The following RBFOX1 variants were observed in gnomAD, a reference collection of about 807,000 sequenced individuals.
RBFOX1 encodes RNA binding fox-1 homolog 1.
Under a neutral mutation model 57.7 loss-of-function variants are expected in RBFOX1, and 8 were observed. The ratio of observed to expected loss-of-function variants is 0.14; its 90% CI spans 0.08 to 0.25. RBFOX1 has a LOEUF of 0.25. Among genes scored for constraint, RBFOX1 ranks in the 10% least tolerant of loss-of-function variants. The pLI, the probability that RBFOX1 is intolerant of heterozygous loss-of-function variation, is 1.00. For synonymous variants in RBFOX1, 326 were observed against 222.4 expected (o/e 1.47, Z -4.15); for missense variants, 611 against 548.5 (o/e 1.11, Z -1.14).
At chr16:6,792,183 AG>A (rs2083100107) in intron 3 of RBFOX1, among the ~76,000 whole-genome samples, 1 of 152,214 alleles carries the variant, frequency 6.6e-6, no homozygotes, top group Non-Finnish European at 1.5e-5. Flanking sequence ...CTTAGCAGGT[AG>A]TTAAGGTGAG....
rs556569517 is a variant in RBFOX1, at chr16:6,097,473, A to T, written c.-127+77481A>T. On this transcript the variant is annotated intron_variant, in intron 1 of 15. Transcript: ENST00000550418. The surrounding 1 kb of genome is among the most constrained non-coding windows in gnomAD (Gnocchi z 5.0). ...ATTCTTGGTGCCCATCCAAACCTAC[A>T]GAAGCAGAATCTCTGGTGGCAGGAA... Among the ~76,000 whole-genome samples, 1 of 152,320 alleles carries T rather than the reference A, an allele frequency of 6.6e-6. No homozygotes were observed. The highest frequency in any genetic ancestry group is 1.9e-4 in the East Asian group (1 of 5,182).
chr16:7,108,764 T>G (rs951636306), intron 4 of RBFOX1, among the ~76,000 whole-genome samples: 4 of 152,202 alleles, frequency 2.6e-5, no homozygotes, highest in African/African-American at 9.6e-5. Flanking sequence ...CACTCACCCC[T>G]GTGCTCAAAG....
At chr16:5,817,611 G>C (rs2055689024) in intron 3 of RBFOX1, among the ~76,000 whole-genome samples, 1 of 151,780 alleles carries the variant, frequency 6.6e-6, no homozygotes. Flanking sequence ...AGGGGAGAGA[G>C]AAAGGAGAGG....
At chr16:5,466,458 G>A (rs754934337) in intron 1 of RBFOX1, among the ~76,000 whole-genome samples, 8 of 152,102 alleles carry the variant, frequency 5.3e-5, no homozygotes, top group Non-Finnish European at 1.0e-4. Flanking sequence ...GGCAGAGGGG[G>A]TATTTCAACT....
chr16:7,042,395 T>A (rs143476934), intron 3 of RBFOX1, among the ~76,000 whole-genome samples: 110 of 152,246 alleles, frequency 7.2e-4, no homozygotes, highest in African/African-American at 2.4e-3. Context: ...AGATGGTAAT[T>A]CCCTCTTGAA....
chr16:7,369,419 A>T (rs1238811444), intron 4 of RBFOX1, among the ~76,000 whole-genome samples: 3 of 152,012 alleles, frequency 2.0e-5, no homozygotes, highest in African/African-American at 7.2e-5. Flanking sequence ...CTCTCCTCTC[A>T]CTATTAATTC....
At chr16:6,104,567 A>G (rs1484028065) in intron 1 of RBFOX1, among the ~76,000 whole-genome samples, 11 of 152,154 alleles carry the variant, frequency 7.2e-5, no homozygotes, top group African/African-American at 2.4e-4. Context: ...CTTGCAGTCA[A>G]TCTCTGTTCC....
chr16:7,261,087 G>C (rs1293303180), intron 4 of RBFOX1, among the ~76,000 whole-genome samples: 2 of 152,164 alleles, frequency 1.3e-5, no homozygotes, highest in Admixed American at 1.3e-4. Flanking sequence ...AAAGGAATTT[G>C]GAGGGACAAT....
intron 4 of RBFOX1, among the ~76,000 whole-genome samples, chr16:7,384,068 AG>A (rs939919880): frequency 2.0e-5 from 3 of 151,750 alleles, no homozygotes; most frequent in African/African-American, 7.3e-5. Context: ...AAAAAAAAAA[AG>A]TATCCCAAGT....
chr16:6,732,567 C>T (rs116203617), intron 3 of RBFOX1, among the ~76,000 whole-genome samples: 2 of 152,216 alleles, frequency 1.3e-5, no homozygotes, highest in Non-Finnish European at 2.9e-5. Flanking sequence ...AATAGGCAGA[C>T]TTTCCACCAC....
chr16:5,768,174 A>G (rs1279708829), intron 3 of RBFOX1, among the ~76,000 whole-genome samples: 3 of 152,340 alleles, frequency 2.0e-5, no homozygotes, highest in Admixed American at 6.5e-5. Flanking sequence ...CGCGTGAGAT[A>G]TATAGGATTT....
chr16:6,537,396 T>C (rs1353922243), intron 2 of RBFOX1, among the ~76,000 whole-genome samples: 1 of 152,228 alleles, frequency 6.6e-6, no homozygotes, highest in African/African-American at 2.4e-5. Flanking sequence ...GGTATTCATA[T>C]AGAATAGCTA....
chr16:5,836,579 G>T (rs1241844595), intron 3 of RBFOX1, among the ~76,000 whole-genome samples: 1 of 152,096 alleles, frequency 6.6e-6, no homozygotes, highest in Non-Finnish European at 1.5e-5. Context: ...TGCCTTCCAG[G>T]CACATCTCAA....
At chr16:6,821,647 C>G (rs1318664650) in intron 3 of RBFOX1, among the ~76,000 whole-genome samples, 2 of 152,138 alleles carry the variant, frequency 1.3e-5, no homozygotes, top group African/African-American at 4.8e-5. Context: ...AACACGTGGC[C>G]TTTTTCATCT....
At chr16:7,226,280 C>G (rs755044795) in intron 4 of RBFOX1, among the ~76,000 whole-genome samples, 1 of 152,198 alleles carries the variant, frequency 6.6e-6, no homozygotes, top group African/African-American at 2.4e-5. Context: ...TCAGGCCTCT[C>G]ATGAACTACA....
intron 3 of RBFOX1, chr16:7,004,210 C>T (rs779760144): frequency 6.6e-6 from 1 of 152,044 alleles, no homozygotes; most frequent in African/African-American, 2.4e-5. Context: ...TAAGAAGCAT[C>T]TTATGCATTA....
intron 4 of RBFOX1, among the ~76,000 whole-genome samples, chr16:7,291,440 G>T (rs912835141): frequency 7.9e-5 from 12 of 152,154 alleles, no homozygotes; most frequent in African/African-American, 2.7e-4. Context: ...AGCCACAATG[G>T]AAAATTAAGA....
chr16:6,521,235 C>T lies in RBFOX1; in HGVS notation c.-63-133368C>T, dbSNP rs561629428. ...AGACATTATGACAGGGAAGCCTAGG[C>T]TGTGCTACTGTTGCTCATTGGTCAA... On this transcript the variant is annotated intron_variant, in intron 2 of 15. Coordinates refer to ENST00000550418, the MANE Select transcript of RBFOX1 (RefSeq NM_018723.4). Among the ~76,000 whole-genome samples, 271 of 152,130 alleles carry T rather than the reference C, an allele frequency of 1.8e-3. 1 individual carries two copies. Among genetic ancestry groups the T allele is most frequent in the Non-Finnish European group, 3.2e-3 (219 of 68,020 alleles).
At chr16:5,980,457 G>T (rs377295173) in intron 4 of RBFOX1, among the ~76,000 whole-genome samples, 1 of 152,156 alleles carries the variant, frequency 6.6e-6, no homozygotes, top group East Asian at 1.9e-4. Context: ...CCGAATTCTC[G>T]CTCTGGCCCT....
Sources: allele counts gnomAD v4.1 joint callset (sites outside exome capture counted in the v4.1 genomes callset), GRCh38; gene constraint gnomAD v4.1.1; non-coding constraint Gnocchi (gnomAD v3.1); transcripts MANE v1.5; gene names NCBI Gene and HGNC (gene_info 2026-07-23, HGNC 2026-07-21).